The following VTN variants were observed in gnomAD, a reference collection of about 807,000 sequenced individuals.
VTN encodes the protein vitronectin, also known as complement S-protein.
Under a neutral mutation model 55.9 loss-of-function variants are expected in VTN, and 45 were observed. The observed-to-expected ratio is 0.80, with a 90% CI of 0.63 to 1.03. The LOEUF (loss-of-function observed/expected upper bound fraction) is 1.03. Among genes scored for constraint, VTN ranks in the 50% least tolerant of loss-of-function variants. The probability of loss-of-function intolerance (pLI) is 0.00; values close to 1 mark genes in which losing one functional copy is unlikely to be tolerated. For missense variants in VTN, 589 were observed against 638.2 expected (o/e 0.92, Z 0.83); for synonymous variants, 238 against 242.3 (o/e 0.98, Z 0.17).
chr17:28,368,769 G>A, intron 5 of VTN, 96 bp from the exon 6 acceptor site: 1 of 1,608,988 alleles, frequency 6.2e-7, no homozygotes, highest in Non-Finnish European at 8.5e-7. Context: ...GCATGAGGTG[G>A]GGGTCAGGGG....
intron 7 of VTN, 111 bp from the exon 8 acceptor site, chr17:28,367,592 G>A (rs1447689939): frequency 7.2e-7 from 1 of 1,392,590 alleles, no homozygotes; most frequent in Non-Finnish European, 1.0e-6. Flanking sequence ...CCATGATGCA[G>A]CTAAGGACTT....
Position 28,368,687 on chromosome 17 carries a change from T to G in VTN, c.827-14A>C, listed in dbSNP as rs2067928296. The G allele has an allele frequency of 6.2e-7, 1 of 1,611,786 alleles. No homozygotes were observed. Among genetic ancestry groups the G allele is most frequent in the African/African-American group, 1.3e-5 (1 of 74,620 alleles). Reference sequence around the variant, plus strand: ...AGTACTGTTTCCCTGAGGAGCAGGGTGGTGGGCATTAGGAGGGCTGGGCCA... The same window carrying G: ...AGTACTGTTTCCCTGAGGAGCAGGGGGGTGGGCATTAGGAGGGCTGGGCCA... On this transcript the variant is annotated splice_polypyrimidine_tract_variant and intron_variant, in intron 5 of 7. Transcript: ENST00000226218.
Position 28,368,829 on chromosome 17 carries a change from A to G in VTN, c.826+43T>C, listed in dbSNP as rs782605027. ...CAGTGAAATGTGAAAGGAATCCAAGACTGCTCCACTGCCTGCTCAGTCTCC... is the reference window on the plus strand; with the variant it reads ...CAGTGAAATGTGAAAGGAATCCAAGGCTGCTCCACTGCCTGCTCAGTCTCC... On this transcript the variant is annotated intron_variant, in intron 5 of 7. Coordinates refer to ENST00000226218, the MANE Select transcript of VTN (RefSeq NM_000638.4). 6.2e-6 allele frequency: 10 copies of G among 1,612,714 alleles called. No homozygotes were observed. In the Admixed American group the frequency reaches 1.3e-4, roughly 22 times the overall value.
chr17:28,367,572 A>C, intron 7 of VTN, 91 bp from the exon 8 acceptor site: 1 of 1,423,220 alleles, frequency 7.0e-7, no homozygotes, highest in Non-Finnish European at 9.8e-7. Flanking sequence ...CCAGAAGGGA[A>C]AGTGAACATC....
rs782052801 is a variant in VTN at position 28,367,413 on chromosome 17, T to C, written c.1393A>G (p.Ile465Val). The C allele has an allele frequency of 1.7e-5, 27 of 1,612,468 alleles. No homozygotes were observed. The highest frequency in any genetic ancestry group is 2.2e-5 in the Non-Finnish European group (26 of 1,179,608). Residue 465 changes from isoleucine to valine, a missense_variant, in exon 8 of 8, where the codon ATC (isoleucine) becomes GTC (valine). Ile to Val is a conservative substitution (Grantham distance 29). This residue lies in a region of VTN where 334 missense variants were observed against 328.2 expected (regional missense o/e 1.02). Transcript: ENST00000226218. ...GGGCAGCCCAGCCAGTACTGAGCGA[T>C]GGAGCGTGGGTAGGGAGGGTCCACA... ...DTVDPPYPRSIAQYWLGCPAP... is the reference protein window; with the variant it reads ...DTVDPPYPRSVAQYWLGCPAP...
chr17:28,369,876 T>C lies in VTN; in HGVS notation c.185-25A>G. 2 of 1,611,762 alleles carry C rather than the reference T, an allele frequency of 1.2e-6. No homozygotes were observed. The highest frequency in any genetic ancestry group is 1.7e-6 in the Non-Finnish European group (2 of 1,178,356). ...ACTGCAGAGAGTGGATGGTAGTGAG[T>C]CTCCAGCAGCAGGGGGCACCCCAGC... On this transcript the variant is annotated intron_variant, in intron 2 of 7. Coordinates refer to ENST00000226218, the MANE Select transcript of VTN (RefSeq NM_000638.4). The surrounding 1 kb of genome is among the most constrained non-coding windows in gnomAD (Gnocchi z 5.3).
At position 28,367,294 on chromosome 17, in the gene VTN, GGGACCTTTATTGGGCTGGGGGAA is replaced by G. The variant is rs1259155541; in HGVS notation, c.*52_*74del. The G allele has an allele frequency of 7.8e-6, 8 of 1,020,428 alleles. No individual in the cohort carries two copies. The highest frequency in any genetic ancestry group is 1.1e-5 in the Non-Finnish European group (8 of 696,626). The allele number at this position is 1,020,428 out of a possible 1,614,324, so 63.2% of individuals were successfully genotyped here. ...ACAATAATTTTAAACTCGGGGCTAA[GGGACCTTTATTGGGCTGGGGGAA>G]GGAGATGGGAGGAGGGAGCTACAGA... is the stretch of plus-strand genomic sequence containing the variant. On this transcript the variant is annotated 3_prime_UTR_variant, in exon 8 of 8. Coordinates refer to ENST00000226218, the MANE Select transcript of VTN (RefSeq NM_000638.4).
At position 28,369,614 on chromosome 17, in the gene VTN, G is replaced by A. The variant is rs199522124; in HGVS notation, c.422C>T (p.Thr141Ile). Residue 141 changes from threonine to isoleucine, a missense_variant, in exon 3 of 8, where the codon ACC becomes ATC. Thr to Ile is a moderately conservative substitution (Grantham distance 89). Transcript: ENST00000226218. The surrounding 1 kb of genome is among the most constrained non-coding windows in gnomAD (Gnocchi z 5.3). ...GGGCTGAGGTCTCCCTGGATGAAGG[G>A]TCTCAGGCCTTGAGTCTATCCCCTC... ...KPEGIDSRPE[T>I]LHPGRPQPPA... The A allele has an allele frequency of 1.2e-6, 2 of 1,613,672 alleles. No individual in the cohort carries two copies. Among genetic ancestry groups the A allele is most frequent in the African/African-American group, 1.3e-5 (1 of 75,052 alleles).
At chr17:28,368,366 C>T (rs550042273) in intron 6 of VTN, among the ~76,000 whole-genome samples, 155 bp downstream of exon 6, 6 of 151,074 alleles carry the variant, frequency 4.0e-5, no homozygotes, top group Admixed American at 2.0e-4. Context: ...GCTGAGCTTT[C>T]CCCAAAAGGT....
At position 28,369,268 on chromosome 17, in the gene VTN, CTGGCCCA is replaced by C. The variant is rs781827405; in HGVS notation, c.669+14_669+20del. ...AAACCCTCCCTAGATGCTTTCTACC[CTGGCCCA>C]CAGCCCCTGGCACCTTGAAGAGGTA... On this transcript the variant is annotated intron_variant, in intron 4 of 7. Coordinates refer to ENST00000226218, the MANE Select transcript of VTN (RefSeq NM_000638.4). This position sits in a 1 kb window ranked among gnomAD's most constrained non-coding sequence, Gnocchi z 5.3. 4 of 1,564,400 alleles carry C rather than the reference CTGGCCCA, an allele frequency of 2.6e-6. No individual in the cohort carries two copies. Among genetic ancestry groups the C allele is most frequent in the Non-Finnish European group, 3.5e-6 (4 of 1,151,274 alleles).
rs2067920047 is a variant in VTN, at chr17:28,367,960, G to T, written c.1079C>A (p.Ala360Glu). 6.3e-6 allele frequency: 10 copies of T among 1,599,472 alleles called. No homozygotes were observed. Among genetic ancestry groups the T allele is most frequent in the Non-Finnish European group, 8.5e-6 (10 of 1,173,152 alleles). ...MAGRIYISGM[A>E]PRPSLAKKQR... is the part of the protein sequence containing the mutation. ...TTTCTTGGCCAAGGAGGGGCGGGGT[G>T]CCATGCCTGAGATGTAGATGCGGCC... The change falls in exon 7 of 8, where the codon GCA (alanine) becomes GAA (glutamate). Residue 360 changes from alanine to glutamate, a missense_variant. Ala to Glu is a moderately radical substitution (Grantham distance 107, BLOSUM62 -1). Around this residue, in one of 3 missense-constraint regions of VTN, gnomAD observed 334 missense variants for 328.2 expected, o/e 1.02. Coordinates refer to ENST00000226218, the MANE Select transcript of VTN (RefSeq NM_000638.4).
intron 6 of VTN, 57 bp downstream of exon 6, chr17:28,368,464 A>G (rs1567801489): frequency 5.6e-6 from 9 of 1,601,042 alleles, no homozygotes; most frequent in South Asian, 1.1e-5. Flanking sequence ...GGCTCTACCA[A>G]TACCAAGGGG....
intron 7 of VTN, 78 bp from the exon 8 acceptor site, chr17:28,367,559 C>T: frequency 1.4e-6 from 2 of 1,445,952 alleles, no homozygotes; most frequent in African/African-American, 2.8e-5. Context: ...TCTAGGGTCT[C>T]TCCCAGAAGG....
Position 28,368,585 on chromosome 17 carries a change from A to C in VTN, c.915T>G (p.Phe305Leu), listed in dbSNP as rs782771077. 31 of 1,613,910 alleles carry C rather than the reference A, an allele frequency of 1.9e-5. No individual in the cohort carries two copies. Among genetic ancestry groups the C allele is most frequent in the Non-Finnish European group, 2.6e-5 (31 of 1,180,020 alleles). Reference sequence around the variant, plus strand: ...CCCAGCTGTCCCGCTGCATCATGGCAAAGTGTTCAAACACAGCCGACAGGG... The same window carrying C: ...CCCAGCTGTCCCGCTGCATCATGGCCAAGTGTTCAAACACAGCCGACAGGG... ...GSSLSAVFEH[F>L]AMMQRDSWED... is the part of the protein sequence containing the mutation. Residue 305 changes from phenylalanine (F) to leucine (L), a missense_variant, in exon 6 of 8, where the codon TTT becomes TTG. Transcript: ENST00000226218.
Position 28,369,248 on chromosome 17 carries a change from C to T in VTN, c.669+41G>A. On this transcript the variant is annotated intron_variant, in intron 4 of 7. Transcript: ENST00000226218. This position sits in a 1 kb window ranked among gnomAD's most constrained non-coding sequence, Gnocchi z 5.3. ...CCCTGGGAGCAATAGCTCTCAAACCCTCCCTAGATGCTTTCTACCCTGGCC... is the reference window on the plus strand; with the variant it reads ...CCCTGGGAGCAATAGCTCTCAAACCTTCCCTAGATGCTTTCTACCCTGGCC... The T allele has an allele frequency of 6.5e-7, 1 of 1,541,066 alleles. No individual in the cohort carries two copies. The highest frequency in any genetic ancestry group is 8.8e-7 in the Non-Finnish European group (1 of 1,141,704).
rs1350651482 is a variant in VTN at position 28,370,061 on chromosome 17, TGTCA to T, written c.65-19_65-16del. ...CTTGCATGACTCTATGAGGAAGGAG[TGTCA>T]GTCGGTGCCACCAAGCCCAGACCAC... On this transcript the variant is annotated splice_polypyrimidine_tract_variant and intron_variant, in intron 1 of 7. Coordinates refer to ENST00000226218, the MANE Select transcript of VTN (RefSeq NM_000638.4). 2 of 1,613,236 alleles carry T rather than the reference TGTCA, an allele frequency of 1.2e-6. No individual in the cohort carries two copies. The highest frequency in any genetic ancestry group is 1.7e-5 in the Admixed American group (1 of 59,930).
At chr17:28,370,080 G>A (rs782205872) in intron 1 of VTN, 34 bp from the exon 2 acceptor site, 123 of 1,613,946 alleles carry the variant, frequency 7.6e-5, no homozygotes, top group Non-Finnish European at 1.0e-4. Flanking sequence ...GTGCCACCAA[G>A]CCCAGACCAC....
At position 28,369,314 on chromosome 17, in the gene VTN, C is replaced by G. The variant is rs1233583172; in HGVS notation, c.644G>C (p.Cys215Ser). ...CTTGAAGAGGTAGGTCTTCCCCTGA[C>G]AGTTGATGCGGGTGAAGGCGGCATC... ...PIDAAFTRIN[C>S]QGKTYLFKGS... The change falls in exon 4 of 8, where the codon TGT (cysteine) becomes TCT (serine). Residue 215 changes from cysteine to serine, a missense_variant. Transcript: ENST00000226218. This position sits in a 1 kb window ranked among gnomAD's most constrained non-coding sequence, Gnocchi z 5.3. 1 of 1,600,684 alleles carries G rather than the reference C, an allele frequency of 6.2e-7. No individual in the cohort carries two copies. The highest frequency in any genetic ancestry group is 1.3e-5 in the African/African-American group (1 of 74,610).
At position 28,368,672 on chromosome 17, in the gene VTN, C is replaced by A; in HGVS notation, c.828G>T (p.Gly276=). The stretch of plus-strand genomic sequence containing the variant: ...GGAACTGGTACTCCCAGTACTGTTT[C>A]CCTGAGGAGCAGGGTGGTGGGCATT... The part of the protein sequence containing the change: ...SGRERVYFFK[G]KQYWEYQFQH... The change falls in exon 6 of 8, where the codon GGG becomes GGT. Residue 276 remains glycine, a splice_region_variant and synonymous_variant. Transcript: ENST00000226218. The A allele has an allele frequency of 5.0e-6, 8 of 1,613,532 alleles. No homozygotes were observed. Among genetic ancestry groups the A allele is most frequent in the Non-Finnish European group, 6.8e-6 (8 of 1,179,820 alleles).
Sources: allele counts gnomAD v4.1 joint callset (sites outside exome capture counted in the v4.1 genomes callset), GRCh38; gene constraint gnomAD v4.1.1; regional missense constraint gnomAD v4.1.1; non-coding constraint Gnocchi (gnomAD v3.1); transcripts MANE v1.5; gene names NCBI Gene and HGNC (gene_info 2026-07-23, HGNC 2026-07-21).